PEAK1: variants seen among roughly 807,000 people sequenced by gnomAD.
PEAK1 encodes the protein inactive tyrosine-protein kinase PEAK1.
Under a neutral mutation model 124.7 loss-of-function variants are expected in PEAK1, and 54 were observed. That is an observed-to-expected ratio of 0.43 (90% confidence interval 0.35 to 0.54). PEAK1 has a LOEUF of 0.54. PEAK1 is among the 20% of genes least tolerant of loss of function. The pLI is 0.01. For missense variants in PEAK1, 2,046 were observed against 2,134.5 expected, an observed-to-expected ratio of 0.96 and a Z score of 0.82; for synonymous variants, 719 against 760.0, an observed-to-expected ratio of 0.95 and a Z score of 0.89.
chr15:77,114,194 A>T lies in PEAK1; in HGVS notation c.5203T>A (p.Ser1735Thr). ...AGAATTTTCACAATACAACTGAGGG[A>T]GTCTGTAGTGGCAAAAGCCAAATAC... ...AQYLAFATTD[S>T]LSCIVKILQH... Residue 1735 changes from serine to threonine, a missense_variant, in exon 10 of 10, where the codon TCC becomes ACC. Transcript: ENST00000682557. The T allele has an allele frequency of 6.2e-7, 1 of 1,614,176 alleles. No homozygotes were observed. Among genetic ancestry groups the T allele is most frequent in the Non-Finnish European group, 8.5e-7 (1 of 1,180,024 alleles).
In PEAK1 at chr15:77,158,575, T is replaced by C. The variant is rs2055357844; in HGVS notation, c.3259A>G (p.Arg1087Gly). The C allele has an allele frequency of 6.2e-7, 1 of 1,614,188 alleles. No homozygotes were observed. The part of the protein sequence containing the change: ...TTALSLPELE[R>G]EDGKEDISDP... ...GAAATGTCTTCTTTTCCATCTTCCC[T>C]TTCCAGTTCAGGTAGGGACAATGCT... Residue 1087 changes from arginine to glycine, a missense_variant, in exon 8 of 10, where the codon AGG (arginine) becomes GGG (glycine). By Grantham distance (125) the Arg-to-Gly change is moderately radical. Coordinates refer to ENST00000682557, the MANE Select transcript of PEAK1 (RefSeq NM_001385026.1).
intron 2 of PEAK1, among the ~76,000 whole-genome samples, chr15:77,318,683 T>G (rs1407981241): frequency 6.6e-6 from 1 of 151,804 alleles, no homozygotes; most frequent in East Asian, 1.9e-4. Context: ...ACTTATAAAA[T>G]ATAATTTATA....
chr15:77,291,962 G>A (rs1348626837), intron 2 of PEAK1, among the ~76,000 whole-genome samples: 2 of 137,340 alleles, frequency 1.5e-5, no homozygotes, highest in Non-Finnish European at 3.1e-5. Flanking sequence ...GGGCGACGGA[G>A]CAAGACTCCG....
intron 6 of PEAK1, among the ~76,000 whole-genome samples, chr15:77,248,750 A>C (rs2060707640): frequency 6.6e-6 from 1 of 152,224 alleles, no homozygotes; most frequent in South Asian, 2.1e-4. Flanking sequence ...TTAAAAGTGA[A>C]TCTCAATGTT....
At chr15:77,225,696 A>ATATATATATATATATG (rs2059612721) in intron 6 of PEAK1, among the ~76,000 whole-genome samples, 1 of 139,002 alleles carries the variant, frequency 7.2e-6, no homozygotes, top group South Asian at 2.2e-4. Flanking sequence ...ATATATATAT[A>ATATATATATATATATG]TGACAATTCT....
chr15:77,236,798 A>C (rs1438355537), intron 6 of PEAK1, among the ~76,000 whole-genome samples: 5 of 152,154 alleles, frequency 3.3e-5, no homozygotes, highest in Admixed American at 3.3e-4. Context: ...AAGTGATGGG[A>C]TCATCGGGGC....
chr15:77,121,678 C>T (rs2051930930), intron 9 of PEAK1, among the ~76,000 whole-genome samples: 1 of 152,162 alleles, frequency 6.6e-6, no homozygotes, highest in Non-Finnish European at 1.5e-5. Flanking sequence ...TAAGACTCTT[C>T]AAAAATATTC....
At chr15:77,125,098 T>C (rs531121231) in intron 9 of PEAK1, among the ~76,000 whole-genome samples, 1 of 152,316 alleles carries the variant, frequency 6.6e-6, no homozygotes, top group East Asian at 1.9e-4. Context: ...ACAACAAATA[T>C]CACAATGTTT....
intron 8 of PEAK1, chr15:77,156,348 G>A (rs1281155540): frequency 6.6e-6 from 1 of 152,548 alleles, no homozygotes; most frequent in African/African-American, 2.4e-5. Flanking sequence ...AAGCCCGTTG[G>A]AAAAGCACAG....
intron 6 of PEAK1, among the ~76,000 whole-genome samples, chr15:77,185,156 T>C (rs1482705731): frequency 1.3e-5 from 2 of 152,200 alleles, no homozygotes; most frequent in Admixed American, 1.3e-4. Flanking sequence ...GTTTATGTAT[T>C]CAAATGATTA....
intron 2 of PEAK1, among the ~76,000 whole-genome samples, chr15:77,289,991 C>T (rs181289818): frequency 7.3e-5 from 11 of 151,584 alleles, no homozygotes; most frequent in South Asian, 6.3e-4. Flanking sequence ...TTTTTTGAGA[C>T]GGAGTCTCAT....
At position 77,158,705 on chromosome 15, in the gene PEAK1, A is replaced by G; in HGVS notation, c.3138-9T>C. 1.2e-6 allele frequency: 2 copies of G among 1,609,788 alleles called. No individual in the cohort carries two copies. Among genetic ancestry groups the G allele is most frequent in the East Asian group, 2.2e-5 (1 of 44,746 alleles). Reference sequence around the variant, plus strand: ...CTTCATGGGTCATGTGACTGAAACAAATCAGACCACTTGTCACACTGGTAT... The same window carrying G: ...CTTCATGGGTCATGTGACTGAAACAGATCAGACCACTTGTCACACTGGTAT... On this transcript the variant is annotated splice_polypyrimidine_tract_variant and intron_variant, in intron 7 of 9. Transcript: ENST00000682557.
chr15:77,181,429 T>C lies in PEAK1; in HGVS notation c.498A>G (p.Arg166=), dbSNP rs368996836. 44 of 1,614,088 alleles carry C rather than the reference T, an allele frequency of 2.7e-5. No homozygotes were observed. The African/African-American group carries it at 5.1e-4, about 19-fold the overall frequency. ...TTTCTCTGGAGTTTGTTTCATTTCCTCTTATCTGAGGGGCAGTATCCAAGC... is the reference window on the plus strand; with the variant it reads ...TTTCTCTGGAGTTTGTTTCATTTCCCCTTATCTGAGGGGCAGTATCCAAGC... ...IAGLDTAPQI[R]GNETNSRETF... is the part of the protein sequence containing the mutation. Residue 166 remains arginine, a synonymous_variant, in exon 7 of 10, where the codon AGA becomes AGG. Coordinates refer to ENST00000682557, the MANE Select transcript of PEAK1 (RefSeq NM_001385026.1).
intron 1 of PEAK1, among the ~76,000 whole-genome samples, chr15:77,368,484 C>T (rs191049561): frequency 6.6e-6 from 1 of 151,354 alleles, no homozygotes; most frequent in Admixed American, 6.6e-5. Context: ...CGCCACTGTA[C>T]TCCAGCCTGG....
At chr15:77,346,519 G>T in intron 2 of PEAK1, 3 of 985,392 alleles carry the variant, frequency 3.0e-6, no homozygotes, top group Non-Finnish European at 3.6e-6. Flanking sequence ...TTATGACTAG[G>T]ATGTACGGGC....
At chr15:77,129,120 C>A (rs1254701153) in intron 9 of PEAK1, among the ~76,000 whole-genome samples, 1 of 152,144 alleles carries the variant, frequency 6.6e-6, no homozygotes, top group Non-Finnish European at 1.5e-5. Context: ...CAGTGCATAG[C>A]CTCTCCCTTG....
chr15:77,249,741 CT>C (rs1259592370), intron 6 of PEAK1, among the ~76,000 whole-genome samples: 1 of 152,060 alleles, frequency 6.6e-6, no homozygotes, highest in Non-Finnish European at 1.5e-5. Context: ...ACAAACTGGT[CT>C]TGAACTCCTG....
At chr15:77,135,335 A>G (rs975879299) in intron 8 of PEAK1, among the ~76,000 whole-genome samples, 6 of 152,228 alleles carry the variant, frequency 3.9e-5, no homozygotes, top group Non-Finnish European at 7.3e-5. Context: ...AAGCACCAAT[A>G]TAATCTGGGA....
intron 5 of PEAK1, among the ~76,000 whole-genome samples, chr15:77,259,300 G>A (rs952727827): frequency 1.2e-4 from 19 of 152,012 alleles, no homozygotes; most frequent in Non-Finnish European, 2.4e-4. Context: ...TCTAATGAAT[G>A]TTAATAATTT....
Sources: gnomAD v4.1 joint callset for allele counts (sites outside exome capture counted in the v4.1 genomes callset) on GRCh38, gnomAD v4.1.1 for gene constraint, MANE v1.5 for transcripts, NCBI Gene and HGNC (gene_info 2026-07-23, HGNC 2026-07-21) for gene names.